Variants in SGCZ observed in about 807,000 individuals in gnomAD.
SGCZ encodes zeta-sarcoglycan.
A neutral mutation model predicts 41.3 loss-of-function variants in SGCZ; 40 were observed. That is an observed-to-expected ratio of 0.97 (90% CI 0.75 to 1.26). SGCZ has a LOEUF of 1.26. Ranked by LOEUF, SGCZ falls within the 50% of genes most tolerant of loss-of-function variation. The pLI is 0.00. For missense variants in SGCZ, 552 were observed against 369.8 expected (o/e 1.49, Z -4.04); for synonymous variants, 206 against 137.5 (o/e 1.50, Z -3.49).
At chr8:14,833,659 C>T (rs543579691) in intron 1 of SGCZ, among the ~76,000 whole-genome samples, 22 of 152,140 alleles carry the variant, frequency 1.4e-4, no homozygotes, top group South Asian at 1.2e-3. Context: ...CAGATGGGGA[C>T]GAAGGAAGGG....
chr8:14,501,440 T>C (rs531339292), intron 2 of SGCZ, among the ~76,000 whole-genome samples: 5 of 152,008 alleles, frequency 3.3e-5, no homozygotes, highest in African/African-American at 4.8e-5. Flanking sequence ...TTTTAATACA[T>C]ACTTTATTTA....
intron 3 of SGCZ, among the ~76,000 whole-genome samples, chr8:14,267,585 C>T (rs914626853): frequency 1.3e-5 from 2 of 151,996 alleles, no homozygotes; most frequent in Non-Finnish European, 2.9e-5. Context: ...ATTCTTAATT[C>T]CTCAACATTC....
At chr8:15,020,227 C>A (rs1378625664) in intron 1 of SGCZ, among the ~76,000 whole-genome samples, 1 of 152,066 alleles carries the variant, frequency 6.6e-6, no homozygotes, top group Non-Finnish European at 1.5e-5. Context: ...CAGTCATCAG[C>A]AATTTAAGCT....
At chr8:14,510,159 C>T (rs1030244811) in intron 2 of SGCZ, among the ~76,000 whole-genome samples, 2 of 151,998 alleles carry the variant, frequency 1.3e-5, no homozygotes, top group African/African-American at 4.8e-5. Context: ...AATATAATTT[C>T]GTATTTACAA....
intron 1 of SGCZ, among the ~76,000 whole-genome samples, chr8:15,073,270 T>A (rs1360968084): frequency 6.6e-6 from 1 of 152,198 alleles, no homozygotes; most frequent in African/African-American, 2.4e-5. Context: ...CAACTGCTGA[T>A]AACAAACTAA....
At chr8:14,138,017 G>A (rs943684340) in intron 5 of SGCZ, among the ~76,000 whole-genome samples, 1 of 152,158 alleles carries the variant, frequency 6.6e-6, no homozygotes, top group Non-Finnish European at 1.5e-5. Flanking sequence ...GAGAGTGGGG[G>A]CCAATATGCA....
intron 2 of SGCZ, among the ~76,000 whole-genome samples, chr8:14,539,456 A>T (rs1585060551): frequency 6.6e-6 from 1 of 151,848 alleles, no homozygotes. Flanking sequence ...ATTCTGGGCA[A>T]CTTCCAAACA....
intron 3 of SGCZ, among the ~76,000 whole-genome samples, chr8:14,294,917 C>T (rs1021533114): frequency 6.6e-6 from 1 of 151,914 alleles, no homozygotes; most frequent in African/African-American, 2.4e-5. Context: ...CTGCAAAGGC[C>T]AAGTATTAAC....
At chr8:14,926,743 C>T (rs894909081) in intron 1 of SGCZ, among the ~76,000 whole-genome samples, 27 of 151,996 alleles carry the variant, frequency 1.8e-4, no homozygotes, top group African/African-American at 6.0e-4. Context: ...CTGGTTCAAG[C>T]GATTCTCCTG....
chr8:14,632,989 T>A (rs1422555051), intron 1 of SGCZ, among the ~76,000 whole-genome samples: 11 of 151,696 alleles, frequency 7.3e-5, no homozygotes, highest in Non-Finnish European at 5.9e-5. Context: ...ATATATATAT[T>A]ATTTTAAAAC....
intron 1 of SGCZ, among the ~76,000 whole-genome samples, chr8:14,828,653 C>T (rs1802421993): frequency 1.3e-5 from 2 of 152,146 alleles, no homozygotes; most frequent in South Asian, 2.1e-4. Context: ...GAAACTGCTC[C>T]AGTCAAGAGG....
intron 5 of SGCZ, among the ~76,000 whole-genome samples, chr8:14,150,209 T>G (rs548838769): frequency 3.3e-4 from 50 of 152,088 alleles, no homozygotes; most frequent in Non-Finnish European, 6.0e-4. Flanking sequence ...TTTGCTGTTA[T>G]GATCAACAAA....
intron 1 of SGCZ, among the ~76,000 whole-genome samples, chr8:14,601,993 G>T (rs1011411872): frequency 3.3e-5 from 5 of 152,140 alleles, no homozygotes; most frequent in Admixed American, 6.5e-5. Flanking sequence ...GGTGGCGGGC[G>T]CCTGTAGTCC....
At chr8:14,290,432 G>T (rs886516128) in intron 3 of SGCZ, among the ~76,000 whole-genome samples, 1 of 152,044 alleles carries the variant, frequency 6.6e-6, no homozygotes, top group African/African-American at 2.4e-5. Context: ...TTTGACAACT[G>T]CACATCTTAT....
intron 1 of SGCZ, among the ~76,000 whole-genome samples, chr8:15,236,611 A>T (rs79939347): frequency 0.032 from 4,906 of 152,214 alleles, 281 homozygotes; most frequent in African/African-American, 0.11. Context: ...TGAGCGGGAC[A>T]TTTAAAGTAT....
At position 14,087,293 on chromosome 8, in the gene SGCZ, G is replaced by A. The variant is rs976261760; in HGVS notation, c.*3150C>T. ...GGAAGTAGGAAATTTGGAAGTTTTT[G>A]TTGTTCTTGCTGTTTTTTTTTGAAG... On this transcript the variant is annotated 3_prime_UTR_variant, in exon 8 of 8. Transcript: ENST00000382080. 8.3e-6 allele frequency among the ~76,000 whole-genome samples: 1 copy of A among 120,560 alleles called. No individual in the cohort carries two copies. Among genetic ancestry groups the A allele is most frequent in the Non-Finnish European group, 2.0e-5 (1 of 50,194 alleles). 79.1% of individuals were successfully genotyped at this position (120,560 alleles called of 152,430 possible). A position where few individuals can be genotyped will look rare whatever the true frequency, so the allele number is the denominator to read the frequency against.
chr8:14,320,158 A>C (rs541622345), intron 3 of SGCZ, among the ~76,000 whole-genome samples: 1 of 151,810 alleles, frequency 6.6e-6, no homozygotes, highest in South Asian at 2.1e-4. Flanking sequence ...TTTCTTTAAA[A>C]CTTGACTAAA....
At chr8:15,078,756 C>T (rs569754465) in intron 1 of SGCZ, among the ~76,000 whole-genome samples, 18 of 151,964 alleles carry the variant, frequency 1.2e-4, no homozygotes, top group African/African-American at 3.9e-4. Flanking sequence ...CATATATATA[C>T]TTATCCACTA....
chr8:14,279,028 G>A (rs546513521), intron 3 of SGCZ, among the ~76,000 whole-genome samples: 65 of 152,114 alleles, frequency 4.3e-4, no homozygotes, highest in African/African-American at 1.4e-3. Flanking sequence ...AAACTTCCCT[G>A]CAAAATAAAA....
Sources: gnomAD v4.1 joint callset for allele counts (sites outside exome capture counted in the v4.1 genomes callset) on GRCh38, gnomAD v4.1.1 for gene constraint, MANE v1.5 for transcripts, NCBI Gene and HGNC (gene_info 2026-07-23, HGNC 2026-07-21) for gene names.